ASIC2: variants seen among roughly 807,000 people sequenced by gnomAD.
ASIC2 encodes the protein acid sensing ion channel subunit 2, also known as acid-sensing ion channel 2.
In ASIC2, 25 loss-of-function variants were observed where a neutral mutation model predicts 57.3. That is an observed-to-expected ratio of 0.44 (90% CI 0.32 to 0.61). ASIC2 has a LOEUF of 0.61. Ranked by LOEUF, ASIC2 falls within the 20% of genes least tolerant of loss-of-function variation. The probability of loss-of-function intolerance (pLI) is 0.06; values close to 1 mark genes in which losing one functional copy is unlikely to be tolerated. For missense variants in ASIC2, 641 were observed against 738.1 expected (o/e 0.87, Z 1.52); for synonymous variants, 319 against 307.5 (o/e 1.04, Z -0.39).
intron 1 of ASIC2, among the ~76,000 whole-genome samples, chr17:33,848,541 G>C (rs1251221511): frequency 3.9e-5 from 6 of 152,184 alleles, no homozygotes; most frequent in Admixed American, 6.5e-5. Flanking sequence ...CATGCCCTTA[G>C]GGACTCATAC....
At position 33,865,164 on chromosome 17, in the gene ASIC2, T is replaced by C. The variant is rs531602130; in HGVS notation, c.555+290814A>G. 3.0e-4 allele frequency among the ~76,000 whole-genome samples: 45 copies of C among 152,274 alleles called. No individual in the cohort carries two copies. In the South Asian group the frequency reaches 3.3e-3, roughly 11 times the overall value. ...GGACCTGGGGTGATCCATTAGGATG[T>C]TGATGCCCCAGGTTGCAGGACACAC... On this transcript the variant is annotated intron_variant, in intron 1 of 9. Transcript: ENST00000359872.
intron 1 of ASIC2, among the ~76,000 whole-genome samples, chr17:33,246,848 G>A (rs1908708379): frequency 6.6e-6 from 1 of 152,188 alleles, no homozygotes; most frequent in South Asian, 2.1e-4. Flanking sequence ...TGAGTCGGTG[G>A]TTGCCCCCAG....
At chr17:33,294,410 C>T (rs1905636845), upstream of ASIC2, among the ~76,000 whole-genome samples, 1 of 151,952 alleles carries the variant, frequency 6.6e-6, no homozygotes, top group Non-Finnish European at 1.5e-5. Flanking sequence ...GCAATTTGGC[C>T]AGATCTGTTG....
intron 2 of ASIC2, among the ~76,000 whole-genome samples, chr17:33,108,995 C>T (rs573758357): frequency 7.9e-5 from 12 of 152,310 alleles, no homozygotes; most frequent in Admixed American, 5.9e-4. Context: ...TAGCCCCCTG[C>T]AGCTAGCTAA....
intron 1 of ASIC2, among the ~76,000 whole-genome samples, chr17:33,839,535 C>T (rs1383154210): frequency 6.6e-6 from 1 of 152,150 alleles, no homozygotes; most frequent in African/African-American, 2.4e-5. Flanking sequence ...TGGGACTCTG[C>T]AAACCACATT....
chr17:33,166,643 C>A (rs750421646), intron 1 of ASIC2, among the ~76,000 whole-genome samples: 8 of 152,210 alleles, frequency 5.3e-5, no homozygotes, highest in Non-Finnish European at 1.0e-4. Context: ...AAGGCCCTCC[C>A]CTCCTGGCCT....
At chr17:33,310,807 C>T (rs1166635237) in intron 1 of ASIC2, among the ~76,000 whole-genome samples, 1 of 152,036 alleles carries the variant, frequency 6.6e-6, no homozygotes, top group African/African-American at 2.4e-5. Flanking sequence ...CTTTTCTTAT[C>T]CAAATATATA....
At chr17:33,648,801 AG>A (rs1906829958) in intron 1 of ASIC2, among the ~76,000 whole-genome samples, 1 of 152,240 alleles carries the variant, frequency 6.6e-6, no homozygotes, top group African/African-American at 2.4e-5. Context: ...TTTTAGGAAA[AG>A]TCATGTTTGA....
At chr17:33,202,122 G>A (rs1052255802) in intron 1 of ASIC2, among the ~76,000 whole-genome samples, 5 of 151,870 alleles carry the variant, frequency 3.3e-5, no homozygotes, top group Admixed American at 3.3e-4. Flanking sequence ...CCTGGGTAAA[G>A]CCAAGAACCC....
chr17:33,273,414 C>T (rs982933274), intron 1 of ASIC2, among the ~76,000 whole-genome samples: 1 of 152,142 alleles, frequency 6.6e-6, no homozygotes, highest in East Asian at 1.9e-4. Flanking sequence ...ACTCTCTGCC[C>T]AGGAACCCTG....
rs574144399 is a variant in ASIC2, at chr17:33,373,328, A to T, written c.556-261261T>A. Reference sequence around the variant, plus strand: ...CATAGTTGATTCCATCTTGCTTCTGACCTCTAAGCTGTCCTTGGTCATTCC... The same window carrying T: ...CATAGTTGATTCCATCTTGCTTCTGTCCTCTAAGCTGTCCTTGGTCATTCC... On this transcript the variant is annotated intron_variant, in intron 1 of 9. Coordinates refer to the ASIC2 transcript ENST00000359872. Among the ~76,000 whole-genome samples, 5 of 152,292 alleles carry T rather than the reference A, an allele frequency of 3.3e-5. No homozygotes were observed. In the South Asian group the frequency reaches 1.0e-3, roughly 32 times the overall value.
intron 1 of ASIC2, among the ~76,000 whole-genome samples, chr17:33,269,623 C>CTTCCTTCCTTCT (rs1904370889): frequency 6.6e-5 from 3 of 45,756 alleles, no homozygotes; most frequent in African/African-American, 2.2e-4. Flanking sequence ...CCCTTCCTTC[C>CTTCCTTCCTTCT]TTCCTTCCTT....
chr17:33,874,201 C>G (rs1283861587), intron 1 of ASIC2, among the ~76,000 whole-genome samples: 1 of 152,134 alleles, frequency 6.6e-6, no homozygotes, highest in Non-Finnish European at 1.5e-5. Context: ...TGGCTGGGCC[C>G]CCTTGGCTCC....
At chr17:33,821,860 G>A (rs1027212483) in intron 1 of ASIC2, among the ~76,000 whole-genome samples, 12 of 152,122 alleles carry the variant, frequency 7.9e-5, no homozygotes, top group African/African-American at 2.2e-4. Flanking sequence ...GTGTTTCTCC[G>A]TGGGGGAACC....
intron 1 of ASIC2, among the ~76,000 whole-genome samples, chr17:33,543,909 T>A (rs1321104158): frequency 6.6e-6 from 1 of 152,184 alleles, no homozygotes; most frequent in Non-Finnish European, 1.5e-5. Context: ...AAAGTTTACA[T>A]TTTTTGAGAA....
At chr17:33,439,612 C>T (rs192983720) in intron 1 of ASIC2, among the ~76,000 whole-genome samples, 1 of 152,230 alleles carries the variant, frequency 6.6e-6, no homozygotes, top group East Asian at 1.9e-4. Flanking sequence ...GGGTTTCAGG[C>T]ATGTTGAAAT....
intron 3 of ASIC2, among the ~76,000 whole-genome samples, chr17:33,070,737 T>A (rs1037819035): frequency 5.9e-5 from 9 of 152,160 alleles, no homozygotes; most frequent in African/African-American, 2.2e-4. Flanking sequence ...GTCAATTTCC[T>A]TTTCCTTGAA....
At chr17:33,609,902 G>A (rs1297067906) in intron 1 of ASIC2, among the ~76,000 whole-genome samples, 2 of 151,980 alleles carry the variant, frequency 1.3e-5, no homozygotes, top group African/African-American at 2.4e-5. Context: ...GGGGAGGGGG[G>A]AAAATAAGAA....
intron 1 of ASIC2, among the ~76,000 whole-genome samples, chr17:33,740,182 G>A (rs937883837): frequency 3.3e-5 from 5 of 152,180 alleles, no homozygotes; most frequent in African/African-American, 9.7e-5. Context: ...TAGGTTTATG[G>A]CAGATGAAGC....
Sources: allele counts gnomAD v4.1 joint callset (sites outside exome capture counted in the v4.1 genomes callset), GRCh38; gene constraint gnomAD v4.1.1; transcripts MANE v1.5; gene names NCBI Gene and HGNC (gene_info 2026-07-23, HGNC 2026-07-21).